Variants in EPAS1 observed in about 807,000 individuals in gnomAD.
EPAS1 encodes the protein endothelial PAS domain-containing protein 1.
EPAS1 carries 23 observed loss-of-function variants against 87.9 expected under a neutral mutation model. The observed-to-expected ratio is 0.26, with a 90% CI of 0.19 to 0.37. The LOEUF (loss-of-function observed/expected upper bound fraction) is 0.37, where lower values mean the gene tolerates loss of function less well. EPAS1 is among the 10% of genes least tolerant of loss of function. EPAS1 has a pLI of 1.00. For synonymous variants in EPAS1, 508 were observed against 444.3 expected, an observed-to-expected ratio of 1.14 and a Z score of -1.80; for missense variants, 1,138 against 1,120.7, an observed-to-expected ratio of 1.02 and a Z score of -0.22.
At chr2:46,340,374 T>G (rs1348980079) in intron 1 of EPAS1, among the ~76,000 whole-genome samples, 3 of 152,172 alleles carry the variant, frequency 2.0e-5, no homozygotes, top group Admixed American at 2.0e-4. Flanking sequence ...GTCAGAGAGC[T>G]GGAGGCTCAG....
chr2:46,374,654 C>T (rs745975969), intron 7 of EPAS1, among the ~76,000 whole-genome samples: 1 of 152,206 alleles, frequency 6.6e-6, no homozygotes, highest in Non-Finnish European at 1.5e-5. Context: ...CCTTTCCTAA[C>T]GTCTCTGTGA....
intron 1 of EPAS1, among the ~76,000 whole-genome samples, chr2:46,340,178 G>A (rs1230979087): frequency 1.3e-5 from 2 of 152,018 alleles, no homozygotes; most frequent in African/African-American, 4.8e-5. Context: ...GGGCTGCTTA[G>A]TAATCGAATC....
Position 46,378,815 on chromosome 2 carries a change from G to C in EPAS1, c.1554+48G>C, listed in dbSNP as rs7598371. ...CTAGGGTGTGTGCCTGCTGTCTGGT[G>C]GACAGCAAAGGCTCACATCCATTCT... On this transcript the variant is annotated intron_variant, in intron 11 of 15. Coordinates refer to ENST00000263734, the MANE Select transcript of EPAS1 (RefSeq NM_001430.5). The C allele has an allele frequency of 0.46, 681,505 of 1,496,592 alleles. 164,059 individuals carry two copies. Among genetic ancestry groups the C allele is most frequent in the Non-Finnish European group, 0.51 (546,931 of 1,074,244 alleles). 92.7% of individuals were successfully genotyped at this position (1,496,592 alleles called of 1,614,324 possible). A position where few individuals can be genotyped will look rare whatever the true frequency, so the allele number is the denominator to read the frequency against.
At chr2:46,355,990 G>C (rs931039678) in intron 2 of EPAS1, 161 bp from the exon 3 acceptor site, 114 of 760,728 alleles carry the variant, frequency 1.5e-4, no homozygotes, top group Non-Finnish European at 2.4e-4. Context: ...AGTGGTGCCT[G>C]CTGCCAGGCG....
Position 46,384,797 on chromosome 2 carries a change from G to A in EPAS1, c.*137G>A. ...TGGACTTACCTGGCAGACTTGCCCAGGTCACCAAGCAGTGGCCTTTTTCTG... is the reference window on the plus strand; with the variant it reads ...TGGACTTACCTGGCAGACTTGCCCAAGTCACCAAGCAGTGGCCTTTTTCTG... On this transcript the variant is annotated 3_prime_UTR_variant, in exon 16 of 16. Coordinates refer to ENST00000263734, the MANE Select transcript of EPAS1 (RefSeq NM_001430.5). 1 of 1,180,576 alleles carries A rather than the reference G, an allele frequency of 8.5e-7. No individual in the cohort carries two copies. The highest frequency in any genetic ancestry group is 1.2e-6 in the Non-Finnish European group (1 of 830,646). 73.1% of individuals were successfully genotyped at this position (1,180,576 alleles called of 1,614,324 possible).
intron 6 of EPAS1, 69 bp downstream of exon 6, chr2:46,361,159 C>T: frequency 6.5e-7 from 1 of 1,533,218 alleles, no homozygotes; most frequent in South Asian, 1.1e-5. Context: ...GGAGTTGTGC[C>T]TGTATTAAAG....
At position 46,347,174 on chromosome 2, in the gene EPAS1, C is replaced by G; in HGVS notation, c.217+111C>G. ...GCTGGAAAGTCACCCCACTACAGAA[C>G]TTTCACCCACAGAAACACCATCATG... On this transcript the variant is annotated intron_variant, in intron 2 of 15. Transcript: ENST00000263734. This position sits in a 1 kb window ranked among gnomAD's most constrained non-coding sequence, Gnocchi z 4.2. 8.6e-7 allele frequency: 1 copy of G among 1,166,968 alleles called. No homozygotes were observed. The allele number at this position is 1,166,968 out of a possible 1,614,324, so 72.3% of individuals were successfully genotyped here. A position where few individuals can be genotyped will look rare whatever the true frequency, so the allele number is the denominator to read the frequency against.
intron 6 of EPAS1, among the ~76,000 whole-genome samples, chr2:46,362,326 A>G (rs926639987): frequency 6.6e-6 from 1 of 152,220 alleles, no homozygotes; most frequent in Non-Finnish European, 1.5e-5. Context: ...TGGCTGTGCA[A>G]GCACTTTGAG....
At chr2:46,326,900 G>T (rs562161464) in intron 1 of EPAS1, among the ~76,000 whole-genome samples, 2 of 152,322 alleles carry the variant, frequency 1.3e-5, no homozygotes, top group East Asian at 3.9e-4. Context: ...GAGCCAGACT[G>T]CCTGGGTTCC....
chr2:46,297,994 C>T (rs1372119887), intron 1 of EPAS1, 57 bp downstream of exon 1: 3 of 1,597,184 alleles, frequency 1.9e-6, no homozygotes, highest in Non-Finnish European at 2.6e-6. Flanking sequence ...CCGGGCTGCG[C>T]GGGGCAGGCG....
rs141965374 is a variant in EPAS1, at chr2:46,360,664, G to C, written c.481G>C (p.Asp161His). ...CTCTGGTTTTGGGAAAAAAAGCAAA[G>C]ACATGTCCACAGAGCGGGACTTCTT... ...NGSGFGKKSK[D>H]MSTERDFFMR... The change falls in exon 5 of 16, where the codon GAC becomes CAC. Residue 161 changes from aspartate (D) to histidine (H), a missense_variant. This residue lies in a region of EPAS1 where 351 missense variants were observed against 417.1 expected (regional missense o/e 0.84). Coordinates refer to ENST00000263734, the MANE Select transcript of EPAS1 (RefSeq NM_001430.5). The surrounding 1 kb of genome is among the most constrained non-coding windows in gnomAD (Gnocchi z 4.5). 1 of 1,613,754 alleles carries C rather than the reference G, an allele frequency of 6.2e-7. No homozygotes were observed. The highest frequency in any genetic ancestry group is 1.3e-5 in the African/African-American group (1 of 74,896).
At chr2:46,330,672 C>T (rs1683656770) in intron 1 of EPAS1, among the ~76,000 whole-genome samples, 1 of 152,222 alleles carries the variant, frequency 6.6e-6, no homozygotes, top group Admixed American at 6.5e-5. Flanking sequence ...AGAAGAAATG[C>T]CACAATAGGG....
intron 1 of EPAS1, among the ~76,000 whole-genome samples, chr2:46,321,118 A>G (rs1387311969): frequency 1.3e-5 from 2 of 152,274 alleles, no homozygotes; most frequent in African/African-American, 2.4e-5. Flanking sequence ...GATTGTATAT[A>G]TAGACATATA....
chr2:46,378,048 C>A lies in EPAS1; in HGVS notation c.1404C>A (p.Thr468=), dbSNP rs772983115. 3 of 1,606,672 alleles carry A rather than the reference C, an allele frequency of 1.9e-6. No homozygotes were observed. The highest frequency in any genetic ancestry group is 1.3e-5 in the African/African-American group (1 of 74,772). ...TVPQAAAPGS[T]TPSATSSSSS... ...CCCAGGCAGCTGCCCCGGGCAGCAC[C>A]ACCCCCAGTGCCACCAGCAGCAGCA... Residue 468 remains threonine, a synonymous_variant, in exon 10 of 16, where the codon ACC becomes ACA. Coordinates refer to ENST00000263734, the MANE Select transcript of EPAS1 (RefSeq NM_001430.5).
At chr2:46,316,373 C>A (rs533655480) in intron 1 of EPAS1, among the ~76,000 whole-genome samples, 1 of 152,190 alleles carries the variant, frequency 6.6e-6, no homozygotes, top group Non-Finnish European at 1.5e-5. Context: ...ATTCTGGTGC[C>A]TCAGCACCCC....
chr2:46,365,519 A>C (rs554580362), intron 6 of EPAS1, among the ~76,000 whole-genome samples: 1 of 152,354 alleles, frequency 6.6e-6, no homozygotes, highest in African/African-American at 2.4e-5. Context: ...GTCAGTAAGG[A>C]GAACTATAAA....
Position 46,384,712 on chromosome 2 carries a change from C to T in EPAS1, c.*52C>T, listed in dbSNP as rs1684973964. ...TCTGCCGACGCCGTCCCACCAGCTT[C>T]ACTCTCTCCGTCTGTTTTTGCAACT... On this transcript the variant is annotated 3_prime_UTR_variant, in exon 16 of 16. Coordinates refer to ENST00000263734, the MANE Select transcript of EPAS1 (RefSeq NM_001430.5). The T allele has an allele frequency of 1.2e-6, 2 of 1,600,872 alleles. No homozygotes were observed. The highest frequency in any genetic ancestry group is 1.7e-5 in the Admixed American group (1 of 58,646).
chr2:46,380,320 C>T lies in EPAS1; in HGVS notation c.1648C>T (p.Arg550Trp), dbSNP rs771840848. Residue 550 changes from arginine to tryptophan, a missense_variant, in exon 12 of 16, where the codon CGG becomes TGG. Arg to Trp is a moderately radical substitution (Grantham distance 101). Transcript: ENST00000263734. This position sits in a 1 kb window ranked among gnomAD's most constrained non-coding sequence, Gnocchi z 4.4. ...GCTAAGCCCCATCTGCCCCGAGGAG[C>T]GGCTCTTGGCGGAGAACCCACAGTC... ...FQLSPICPEE[R>W]LLAENPQSTP... 7 of 1,614,138 alleles carry T rather than the reference C, an allele frequency of 4.3e-6. No homozygotes were observed. Among genetic ancestry groups the T allele is most frequent in the Admixed American group, 1.7e-5 (1 of 60,018 alleles).
chr2:46,354,770 T>C (rs1684237955), intron 2 of EPAS1, among the ~76,000 whole-genome samples: 2 of 152,124 alleles, frequency 1.3e-5, no homozygotes, highest in Admixed American at 1.3e-4. Context: ...TCTGATCACA[T>C]TTGCTTGACA....
Sources: gnomAD v4.1 joint callset for allele counts (sites outside exome capture counted in the v4.1 genomes callset) on GRCh38, gnomAD v4.1.1 for gene constraint, gnomAD v4.1.1 regional missense constraint, Gnocchi (gnomAD v3.1) non-coding constraint, MANE v1.5 for transcripts, NCBI Gene and HGNC (gene_info 2026-07-23, HGNC 2026-07-21) for gene names.